The following SORCS3 variants were observed in gnomAD, a reference collection of about 807,000 sequenced individuals.
SORCS3 encodes sortilin related VPS10 domain containing receptor 3.
In SORCS3, 57 loss-of-function variants were observed where a neutral mutation model predicts 146.3. That is an observed-to-expected ratio of 0.39 (90% CI 0.31 to 0.49). The LOEUF is 0.49. SORCS3 is among the 20% of genes least tolerant of loss of function. The pLI, the probability that SORCS3 is intolerant of heterozygous loss-of-function variation, is 0.92. For synonymous variants in SORCS3, 653 were observed against 618.5 expected (o/e 1.06, Z -0.83); for missense variants, 1,341 against 1,575.5 (o/e 0.85, Z 2.52).
chr10:105,032,674 A>G (rs912497415), intron 4 of SORCS3, among the ~76,000 whole-genome samples: 2 of 152,208 alleles, frequency 1.3e-5, no homozygotes, highest in Non-Finnish European at 2.9e-5. Context: ...ACTTAGAGAT[A>G]GTAATTTAAA....
intron 2 of SORCS3, among the ~76,000 whole-genome samples, chr10:104,873,188 G>T (rs1031387085): frequency 2.0e-5 from 3 of 152,238 alleles, no homozygotes; most frequent in Non-Finnish European, 4.4e-5. Flanking sequence ...CATAGCAAGG[G>T]TTTCTGATGC....
intron 1 of SORCS3, among the ~76,000 whole-genome samples, chr10:104,655,749 G>A (rs1391741715): frequency 6.6e-6 from 1 of 152,028 alleles, no homozygotes; most frequent in Non-Finnish European, 1.5e-5. Flanking sequence ...AGATCTGGTT[G>A]GTTAAAAGTG....
At chr10:104,660,591 G>A (rs567552858) in intron 1 of SORCS3, among the ~76,000 whole-genome samples, 3 of 152,256 alleles carry the variant, frequency 2.0e-5, no homozygotes, top group Middle Eastern at 3.4e-3. Flanking sequence ...TAGGGAAAAT[G>A]GTCTAATACT....
intron 15 of SORCS3, 55 bp from the exon 16 acceptor site, chr10:105,201,065 T>A (rs2056571597): frequency 6.3e-7 from 1 of 1,591,384 alleles, no homozygotes. Context: ...ACAACTGGTT[T>A]ATTTCACCAC....
At chr10:104,798,330 A>G (rs1455530306) in intron 1 of SORCS3, among the ~76,000 whole-genome samples, 1 of 152,188 alleles carries the variant, frequency 6.6e-6, no homozygotes, top group Admixed American at 6.5e-5. Context: ...CCAGTTGACT[A>G]TCAGTCCTGG....
At chr10:105,077,561 CACACAG>C (rs373117274) in intron 5 of SORCS3, among the ~76,000 whole-genome samples, 51,902 of 113,798 alleles carry the variant, frequency 0.46, 9,439 homozygotes, top group East Asian at 0.57. Context: ...CACACACACA[CACACAG>C]AGGGATGGTA....
intron 1 of SORCS3, among the ~76,000 whole-genome samples, chr10:104,817,032 CCA>C (rs1260618172): frequency 6.6e-6 from 1 of 152,172 alleles, no homozygotes; most frequent in Non-Finnish European, 1.5e-5. Flanking sequence ...TTCTGGGGCA[CCA>C]CAGTGTCTGT....
chr10:104,821,830 C>T (rs78151216), intron 1 of SORCS3, among the ~76,000 whole-genome samples: 3,836 of 152,250 alleles, frequency 0.025, 162 homozygotes, highest in African/African-American at 0.083. Flanking sequence ...TGCTTACTTG[C>T]CTGTCTGTCC....
rs774002522 is a variant in SORCS3 at position 104,977,395 on chromosome 10, G to A, written c.856G>A (p.Ala286Thr). ...CATATTGATCAGCTCAGACGAAGGG[G>A]CGACCTATCAGAAGTATCGGCTCAC... The part of the protein sequence containing the change: ...SSILISSDEG[A>T]TYQKYRLTFY... Residue 286 changes from alanine to threonine, a missense_variant, in exon 4 of 27, where the codon GCG becomes ACG. By Grantham distance (58) the Ala-to-Thr change is moderately conservative. Transcript: ENST00000369701. The A allele has an allele frequency of 2.5e-6, 4 of 1,613,666 alleles. No homozygotes were observed. The Admixed American group carries it at 6.7e-5, about 27-fold the overall frequency.
chr10:104,915,956 C>T, intron 3 of SORCS3, 24 bp downstream of exon 3: 1 of 1,552,516 alleles, frequency 6.4e-7, no homozygotes, highest in Non-Finnish European at 8.9e-7. Context: ...TCAGTAGGTC[C>T]TGAGCACTCC....
chr10:105,111,646 A>T (rs970300757), intron 7 of SORCS3, among the ~76,000 whole-genome samples: 1 of 152,194 alleles, frequency 6.6e-6, no homozygotes, highest in Non-Finnish European at 1.5e-5. Flanking sequence ...TATATTATTC[A>T]TTGTCCTTTT....
At chr10:105,262,610 A>T in intron 26 of SORCS3, 119 bp downstream of exon 26, 1 of 1,036,110 alleles carries the variant, frequency 9.7e-7, no homozygotes, top group South Asian at 2.2e-5. Context: ...ACCTACAGTG[A>T]CAGAATCATG....
intron 1 of SORCS3, among the ~76,000 whole-genome samples, chr10:104,840,889 G>T (rs747448907): frequency 1.3e-5 from 2 of 152,108 alleles, no homozygotes; most frequent in Non-Finnish European, 2.9e-5. Flanking sequence ...AGCCTGAGGT[G>T]GTCATTCTGA....
intron 3 of SORCS3, among the ~76,000 whole-genome samples, chr10:104,946,447 G>T (rs1023324103): frequency 6.6e-6 from 1 of 152,086 alleles, no homozygotes; most frequent in Non-Finnish European, 1.5e-5. Flanking sequence ...GCTGGAGCTA[G>T]CCTATTTCCC....
At chr10:104,670,788 A>G (rs2015841578) in intron 1 of SORCS3, among the ~76,000 whole-genome samples, 1 of 152,206 alleles carries the variant, frequency 6.6e-6, no homozygotes, top group Non-Finnish European at 1.5e-5. Context: ...ACATTTTGAC[A>G]ATATTAAGTC....
intron 1 of SORCS3, among the ~76,000 whole-genome samples, chr10:104,833,553 A>G (rs981301588): frequency 6.6e-6 from 1 of 152,160 alleles, no homozygotes; most frequent in Non-Finnish European, 1.5e-5. Context: ...AAGTCTCTAT[A>G]GTAAACACCA....
At position 104,881,402 on chromosome 10, in the gene SORCS3, C is replaced by T. The variant is rs117674723; in HGVS notation, c.696-34431C>T. On this transcript the variant is annotated intron_variant, in intron 2 of 26. Coordinates refer to ENST00000369701, the MANE Select transcript of SORCS3 (RefSeq NM_014978.3). Reference sequence around the variant, plus strand: ...GAGGGAAAAAGTTGGGAAAGAAGCCCGTTAGTAATGCATAGAATGATACTT... The same window carrying T: ...GAGGGAAAAAGTTGGGAAAGAAGCCTGTTAGTAATGCATAGAATGATACTT... 1.6e-3 allele frequency among the ~76,000 whole-genome samples: 247 copies of T among 152,144 alleles called. 1 individual carries two copies. Among genetic ancestry groups the T allele is most frequent in the African/African-American group, 4.0e-3 (166 of 41,502 alleles).
At position 105,101,582 on chromosome 10, in the gene SORCS3, G is replaced by T. The variant is rs1331827455; in HGVS notation, c.1094-3815G>T. On this transcript the variant is annotated intron_variant, in intron 6 of 26. Transcript: ENST00000369701. The stretch of plus-strand genomic sequence containing the variant: ...TCCATACTGAGCAGTGGCAAGTAGA[G>T]AGCGAGCCAAGAACTAGGACAAGCT... Among the ~76,000 whole-genome samples the T allele has an allele frequency of 5.9e-5, 9 of 152,188 alleles. No homozygotes were observed. In the South Asian group the frequency reaches 1.4e-3, roughly 24 times the overall value.
At chr10:104,746,591 A>T (rs1300167419) in intron 1 of SORCS3, among the ~76,000 whole-genome samples, 1 of 152,244 alleles carries the variant, frequency 6.6e-6, no homozygotes, top group Non-Finnish European at 1.5e-5. Context: ...CATTCTGTAT[A>T]AAAATCACTA....
Sources: allele counts gnomAD v4.1 joint callset (sites outside exome capture counted in the v4.1 genomes callset), GRCh38; gene constraint gnomAD v4.1.1; transcripts MANE v1.5; gene names NCBI Gene and HGNC (gene_info 2026-07-23, HGNC 2026-07-21).